The following CADM1 variants were observed in gnomAD, a reference collection of about 807,000 sequenced individuals.
CADM1 encodes the protein cell adhesion molecule 1, also known as TSLC-1.
Under a neutral mutation model 53.1 loss-of-function variants are expected in CADM1, and 15 were observed. The observed-to-expected ratio is 0.28, with a 90% confidence interval of 0.19 to 0.44. CADM1 has a LOEUF of 0.44. Among genes scored for constraint, CADM1 ranks in the 20% least tolerant of loss-of-function variants. The pLI, the probability that CADM1 is intolerant of heterozygous loss-of-function variation, is 1.00. For synonymous variants in CADM1, 281 were observed against 243.0 expected, an observed-to-expected ratio of 1.16 and a Z score of -1.45; for missense variants, 434 against 611.3, an observed-to-expected ratio of 0.71 and a Z score of 3.06.
At chr11:115,209,761 G>A in intron 7 of CADM1, 104 bp from the exon 8 acceptor site, 1 of 1,410,310 alleles carries the variant, frequency 7.1e-7, no homozygotes, top group Non-Finnish European at 9.7e-7. Context: ...TTGTTTGATG[G>A]CTTCCCCCTT....
At chr11:115,426,249 A>T (rs1947889273) in intron 1 of CADM1, among the ~76,000 whole-genome samples, 1 of 152,230 alleles carries the variant, frequency 6.6e-6, no homozygotes, top group South Asian at 2.1e-4. Context: ...CCAGTGGGTT[A>T]AAATGATCTC....
rs1264768058 is a variant in CADM1, at chr11:115,175,204, C to T, written c.*1270G>A. Reference sequence around the variant, plus strand: ...TCGAGAACTGAGAGCGACAGCAGACCAGTGTGAGAACAATACCAGCCCTTC... The same window carrying T: ...TCGAGAACTGAGAGCGACAGCAGACTAGTGTGAGAACAATACCAGCCCTTC... On this transcript the variant is annotated 3_prime_UTR_variant, in exon 12 of 12. Coordinates refer to ENST00000331581, the MANE Select transcript of CADM1 (RefSeq NM_001301043.2). The T allele has an allele frequency of 2.0e-6, 2 of 985,692 alleles. No homozygotes were observed. The highest frequency in any genetic ancestry group is 2.4e-6 in the Non-Finnish European group (2 of 829,938). The allele number at this position is 985,692 out of a possible 1,614,324, so 61.1% of individuals were successfully genotyped here. A position where few individuals can be genotyped will look rare whatever the true frequency, so the allele number is the denominator to read the frequency against.
rs987962472 is a variant in CADM1, at chr11:115,481,923, G to T, written c.124+22348C>A. Reference sequence around the variant, plus strand: ...CTCCAGATTCGTCCTGCACCCTCCCGCTCCCCTCATTGACACTCTCCATGG... The same window carrying T: ...CTCCAGATTCGTCCTGCACCCTCCCTCTCCCCTCATTGACACTCTCCATGG... On this transcript the variant is annotated intron_variant, in intron 1 of 11. Coordinates refer to ENST00000331581, the MANE Select transcript of CADM1 (RefSeq NM_001301043.2). Among the ~76,000 whole-genome samples, 3 of 151,724 alleles carry T rather than the reference G, an allele frequency of 2.0e-5. No homozygotes were observed. In the South Asian group the frequency reaches 6.3e-4, roughly 32 times the overall value.
intron 1 of CADM1, among the ~76,000 whole-genome samples, chr11:115,369,413 T>C (rs749781865): frequency 6.6e-6 from 1 of 152,182 alleles, no homozygotes; most frequent in Non-Finnish European, 1.5e-5. Context: ...GCATGTAAGA[T>C]TTTATAATCC....
At chr11:115,385,145 C>T (rs984382222) in intron 1 of CADM1, among the ~76,000 whole-genome samples, 2 of 138,990 alleles carry the variant, frequency 1.4e-5, no homozygotes, top group South Asian at 4.5e-4. Context: ...CACCTAGCCA[C>T]CTAGCTGAAC....
rs374430359 is a variant in CADM1 at position 115,250,093 on chromosome 11, T to C, written c.125-9673A>G. On this transcript the variant is annotated intron_variant, in intron 1 of 11. Transcript: ENST00000331581. ...TAATTTTTTGTATTTTTAGTAGAGATGAGGTTTCACTGTGTTAGCCAGGAT... is the reference window on the plus strand; with the variant it reads ...TAATTTTTTGTATTTTTAGTAGAGACGAGGTTTCACTGTGTTAGCCAGGAT... Among the ~76,000 whole-genome samples, 98 of 152,234 alleles carry C rather than the reference T, an allele frequency of 6.4e-4. 1 individual carries two copies. In the East Asian group the frequency reaches 0.016, roughly 25 times the overall value.
chr11:115,494,654 C>G (rs185287417), intron 1 of CADM1, among the ~76,000 whole-genome samples: 6 of 152,118 alleles, frequency 3.9e-5, no homozygotes, highest in Admixed American at 2.0e-4. Flanking sequence ...ATAGTATTTT[C>G]TTTTTCAGTA....
chr11:115,182,909 A>T (rs897682698), intron 10 of CADM1, among the ~76,000 whole-genome samples: 1 of 152,162 alleles, frequency 6.6e-6, no homozygotes, highest in Non-Finnish European at 1.5e-5. Context: ...TCCAGGTGAG[A>T]GTTTACCAGC....
At chr11:115,279,003 G>T (rs148284071) in intron 1 of CADM1, among the ~76,000 whole-genome samples, 62 of 152,284 alleles carry the variant, frequency 4.1e-4, no homozygotes, top group Non-Finnish European at 7.2e-4. Flanking sequence ...TAGCTGGATG[G>T]TGTGTAGGAC....
intron 1 of CADM1, among the ~76,000 whole-genome samples, chr11:115,400,787 CAAT>C (rs1947134501): frequency 6.8e-6 from 1 of 147,524 alleles, no homozygotes; most frequent in Admixed American, 6.9e-5. Flanking sequence ...AATTAAACAA[CAAT>C]GATGTATCAC....
chr11:115,323,711 T>C (rs1346385564), intron 1 of CADM1, among the ~76,000 whole-genome samples: 1 of 152,120 alleles, frequency 6.6e-6, no homozygotes, highest in Non-Finnish European at 1.5e-5. Context: ...AGAGAGGTGT[T>C]GAACTGAGAA....
chr11:115,373,458 G>A (rs1334643209), intron 1 of CADM1, among the ~76,000 whole-genome samples: 3 of 151,692 alleles, frequency 2.0e-5, no homozygotes, highest in Admixed American at 2.0e-4. Context: ...GGTGGTGCAC[G>A]CCTGTAGTCT....
At chr11:115,462,589 T>C (rs922237200) in intron 1 of CADM1, among the ~76,000 whole-genome samples, 8 of 152,106 alleles carry the variant, frequency 5.3e-5, no homozygotes, top group Non-Finnish European at 7.4e-5. Context: ...ATGAACCTAT[T>C]AAATATTCCA....
At chr11:115,232,624 A>C (rs1031129438) in intron 3 of CADM1, among the ~76,000 whole-genome samples, 1 of 152,368 alleles carries the variant, frequency 6.6e-6, no homozygotes, top group South Asian at 2.1e-4. Context: ...CTGACTATCA[A>C]ATCAAGAGTA....
chr11:115,443,719 C>A (rs1046221769), intron 1 of CADM1, among the ~76,000 whole-genome samples: 6 of 152,112 alleles, frequency 3.9e-5, no homozygotes, highest in African/African-American at 1.2e-4. Flanking sequence ...ACATTTTTTG[C>A]ATACCCAGTA....
chr11:115,290,522 A>G (rs1264574376), intron 1 of CADM1, among the ~76,000 whole-genome samples: 1 of 152,206 alleles, frequency 6.6e-6, no homozygotes, highest in Non-Finnish European at 1.5e-5. Flanking sequence ...AAAAGAATGA[A>G]GCCCTGATGT....
chr11:115,469,602 T>G (rs2135388579), intron 1 of CADM1, among the ~76,000 whole-genome samples: 1 of 152,284 alleles, frequency 6.6e-6, no homozygotes, highest in African/African-American at 2.4e-5. Flanking sequence ...TTTATTTAGT[T>G]TTTATTCTTT....
intron 1 of CADM1, among the ~76,000 whole-genome samples, chr11:115,244,880 T>C (rs1942358876): frequency 6.6e-6 from 1 of 152,242 alleles, no homozygotes; most frequent in Non-Finnish European, 1.5e-5. Flanking sequence ...TGCTTCCTTC[T>C]TTCAGTGCTC....
chr11:115,429,807 GTAA>G (rs1394031052), intron 1 of CADM1, among the ~76,000 whole-genome samples: 1 of 152,140 alleles, frequency 6.6e-6, no homozygotes, highest in South Asian at 2.1e-4. Flanking sequence ...GGTGGTCCTA[GTAA>G]TAGTAGTGTC....
Sources: gnomAD v4.1 joint callset for allele counts (sites outside exome capture counted in the v4.1 genomes callset) on GRCh38, gnomAD v4.1.1 for gene constraint, MANE v1.5 for transcripts, NCBI Gene and HGNC (gene_info 2026-07-23, HGNC 2026-07-21) for gene names.